Variants in PHF14 observed in about 807,000 individuals in gnomAD.
PHF14 encodes PHD finger protein 14.
A neutral mutation model predicts 117.9 loss-of-function variants in PHF14; 55 were observed. That is an observed-to-expected ratio of 0.47 (90% CI 0.38 to 0.58). The LOEUF (loss-of-function observed/expected upper bound fraction) is 0.58. PHF14 is among the 20% of genes least tolerant of loss of function. PHF14 has a pLI of 0.00. For synonymous variants in PHF14, 409 were observed against 368.6 expected (o/e 1.11, Z -1.26); for missense variants, 978 against 1,122.2 (o/e 0.87, Z 1.84).
chr7:10,992,176 C>T (rs1378183146), intron 4 of PHF14, among the ~76,000 whole-genome samples: 3 of 151,452 alleles, frequency 2.0e-5, no homozygotes, highest in Admixed American at 6.6e-5. Flanking sequence ...GCCTCAGCCT[C>T]CCGAGTAGCT....
rs113814966 is a variant in PHF14 at position 11,146,090 on chromosome 7, A to T, written c.2773-23326A>T. Among the ~76,000 whole-genome samples, 965 of 152,286 alleles carry T rather than the reference A, an allele frequency of 6.3e-3. 10 individuals carry two copies. The highest frequency in any genetic ancestry group is 0.022 in the African/African-American group (925 of 41,568). On this transcript the variant is annotated intron_variant, in intron 17 of 17. Transcript: ENST00000634607. ...TTTGACAGTTTCTAGTGCTGTAAAC[A>T]GTGAAAATGTCAGAATTCCTCCAAT...
At chr7:11,105,199 C>T in intron 16 of PHF14, 1 of 960,700 alleles carries the variant, frequency 1.0e-6, no homozygotes, top group Non-Finnish European at 1.2e-6. Context: ...AGCTTTTATC[C>T]ATCTTAACTT....
chr7:11,065,192 A>T (rs975451864), intron 16 of PHF14, among the ~76,000 whole-genome samples: 14 of 152,058 alleles, frequency 9.2e-5, no homozygotes, highest in African/African-American at 3.4e-4. Context: ...ATCTACTTTT[A>T]AAATTTAATT....
At chr7:11,042,127 CTT>C (rs530791609) in intron 12 of PHF14, among the ~76,000 whole-genome samples, 1 of 151,708 alleles carries the variant, frequency 6.6e-6, no homozygotes, top group African/African-American at 2.4e-5. Context: ...AATTTTTTTA[CTT>C]TTGAATTTAA....
intron 16 of PHF14, among the ~76,000 whole-genome samples, chr7:11,081,075 AT>A (rs1335937498): frequency 6.6e-6 from 1 of 152,152 alleles, no homozygotes; most frequent in Admixed American, 6.5e-5. Flanking sequence ...GTGTGTGTGT[AT>A]TTATATGTAT....
At chr7:11,024,727 A>G (rs2128319125) in intron 6 of PHF14, among the ~76,000 whole-genome samples, 1 of 152,338 alleles carries the variant, frequency 6.6e-6, no homozygotes, top group Non-Finnish European at 1.5e-5. Context: ...CTCAGAAAAA[A>G]GATTCCTTTC....
chr7:10,974,435 G>T, intron 1 of PHF14, 111 bp downstream of exon 1: 1 of 911,860 alleles, frequency 1.1e-6, no homozygotes, highest in Non-Finnish European at 1.8e-6. Context: ...AGCAGGATTG[G>T]TGGACCCTCG....
intron 4 of PHF14, among the ~76,000 whole-genome samples, chr7:11,008,510 C>G (rs1783208850): frequency 6.6e-6 from 1 of 152,078 alleles, no homozygotes; most frequent in African/African-American, 2.4e-5. Context: ...GTGAACTGCA[C>G]ATATGAGGGA....
chr7:11,062,852 C>CA (rs925827135), intron 16 of PHF14: 3 of 984,682 alleles, frequency 3.0e-6, no homozygotes, highest in Non-Finnish European at 3.6e-6. Flanking sequence ...AGGACAGTGT[C>CA]ACAAAAGTTC....
chr7:11,143,207 A>G (rs1036084896), intron 17 of PHF14, among the ~76,000 whole-genome samples: 45 of 152,288 alleles, frequency 3.0e-4, no homozygotes, highest in African/African-American at 1.1e-3. Flanking sequence ...TTTTTTGAAG[A>G]TAATATGCTA....
intron 16 of PHF14, among the ~76,000 whole-genome samples, chr7:11,101,754 A>G (rs1045517495): frequency 6.6e-6 from 1 of 151,830 alleles, no homozygotes; most frequent in African/African-American, 2.4e-5. Flanking sequence ...TAAAAAAGTG[A>G]ACTTTTTCTG....
chr7:11,026,089 GTGA>G (rs1410088770), intron 6 of PHF14, among the ~76,000 whole-genome samples: 3 of 149,004 alleles, frequency 2.0e-5, no homozygotes, highest in Non-Finnish European at 4.4e-5. Context: ...TCCAGCCTGG[GTGA>G]CAGTGTGAGA....
At chr7:11,112,770 C>CA (rs1015653840) in intron 17 of PHF14, among the ~76,000 whole-genome samples, 84 of 127,434 alleles carry the variant, frequency 6.6e-4, no homozygotes, top group South Asian at 1.7e-3. Context: ...GACTCCATCT[C>CA]AAAAAAAAAA....
chr7:11,165,025 A>G (rs1789161627), intron 17 of PHF14, among the ~76,000 whole-genome samples: 1 of 152,132 alleles, frequency 6.6e-6, no homozygotes. Flanking sequence ...CCTGGGTTCA[A>G]GCGATTCTCC....
chr7:11,103,841 A>G (rs1172121508), intron 16 of PHF14: 2 of 980,948 alleles, frequency 2.0e-6, no homozygotes, highest in East Asian at 2.3e-4. Context: ...TTACATATAA[A>G]CAGATTATTA....
intron 16 of PHF14, among the ~76,000 whole-genome samples, chr7:11,087,338 C>T (rs1786451747): frequency 6.6e-6 from 1 of 151,944 alleles, no homozygotes; most frequent in Non-Finnish European, 1.5e-5. Context: ...ACTACAGGCG[C>T]ACACCACCAT....
At chr7:11,032,252 A>T (rs1420476516) in intron 7 of PHF14, among the ~76,000 whole-genome samples, 1 of 152,198 alleles carries the variant, frequency 6.6e-6, no homozygotes, top group Non-Finnish European at 1.5e-5. Flanking sequence ...AAGAATATTG[A>T]TAATGCATAA....
chr7:10,986,705 T>C (rs1260371153), intron 3 of PHF14, among the ~76,000 whole-genome samples: 1 of 152,216 alleles, frequency 6.6e-6, no homozygotes, highest in African/African-American at 2.4e-5. Flanking sequence ...AGCTTTGAGA[T>C]TCCTTAAGAT....
intron 16 of PHF14, among the ~76,000 whole-genome samples, chr7:11,101,390 A>C (rs1787083219): frequency 6.6e-6 from 1 of 151,908 alleles, no homozygotes; most frequent in Non-Finnish European, 1.5e-5. Context: ...TTCCAGTAGT[A>C]AACTACAGAC....
Sources: allele counts gnomAD v4.1 joint callset (sites outside exome capture counted in the v4.1 genomes callset), GRCh38; gene constraint gnomAD v4.1.1; transcripts MANE v1.5; gene names NCBI Gene and HGNC (gene_info 2026-07-23, HGNC 2026-07-21).